Variants in PTP4A3 observed in about 807,000 individuals in gnomAD.
PTP4A3 encodes the protein protein tyrosine phosphatase 4A3.
A neutral mutation model predicts 15.2 loss-of-function variants in PTP4A3; 9 were observed. The ratio of observed to expected loss-of-function variants is 0.59; its 90% CI spans 0.36 to 1.03. The LOEUF is 1.03. PTP4A3 is among the 50% of genes least tolerant of loss of function. PTP4A3 has a pLI of 0.02. For missense variants in PTP4A3, 234 were observed against 252.1 expected, an observed-to-expected ratio of 0.93 and a Z score of 0.49; for synonymous variants, 95 against 102.0, an observed-to-expected ratio of 0.93 and a Z score of 0.41.
Position 141,431,084 on chromosome 8 carries a change from G to A in PTP4A3, c.*40G>A. ...TGGGCCTGGTCGTCATGTAGGTCAG[G>A]ACCTTGGCTGGACCTGGAGGCCCTG... On this transcript the variant is annotated 3_prime_UTR_variant, in exon 6 of 6. Coordinates refer to ENST00000521578, the MANE Select transcript of PTP4A3 (RefSeq NM_032611.3). 1 of 1,597,830 alleles carries A rather than the reference G, an allele frequency of 6.3e-7. No homozygotes were observed. Among genetic ancestry groups the A allele is most frequent in the Non-Finnish European group, 8.6e-7 (1 of 1,166,496 alleles).
At chr8:141,428,750 AG>A (rs371543098) in intron 5 of PTP4A3, among the ~76,000 whole-genome samples, 76 of 152,352 alleles carry the variant, frequency 5.0e-4, no homozygotes, top group African/African-American at 1.8e-3. Context: ...GGGGTCATAC[AG>A]GCACACATTC....
chr8:141,427,719 C>G, intron 4 of PTP4A3, 31 bp from the exon 5 acceptor site: 1 of 1,541,484 alleles, frequency 6.5e-7, no homozygotes, highest in Non-Finnish European at 8.8e-7. Context: ...GCGCAGGCTC[C>G]GATGACCCCC....
chr8:141,395,536 G>C (rs1319326118), intron 1 of PTP4A3, among the ~76,000 whole-genome samples: 2 of 150,174 alleles, frequency 1.3e-5, no homozygotes, highest in African/African-American at 4.9e-5. Flanking sequence ...GGGGAACTGG[G>C]GGCCATTGCC....
At position 141,406,749 on chromosome 8, in the gene PTP4A3, C is replaced by T. The variant is rs1832736350; in HGVS notation, c.-853-14639C>T. 6.6e-6 allele frequency among the ~76,000 whole-genome samples: 1 copy of T among 152,178 alleles called. No individual in the cohort carries two copies. Among genetic ancestry groups the T allele is most frequent in the African/African-American group, 2.4e-5 (1 of 41,448 alleles). ...CCACCGACAGCCCGCCTCTTCTTTCCATCTTAATCCATCTTGCCAGCTCTC... is the reference window on the plus strand; with the variant it reads ...CCACCGACAGCCCGCCTCTTCTTTCTATCTTAATCCATCTTGCCAGCTCTC... On this transcript the variant is annotated intron_variant, in intron 1 of 5. Coordinates refer to ENST00000521578, the MANE Select transcript of PTP4A3 (RefSeq NM_032611.3). The surrounding 1 kb of genome is among the most constrained non-coding windows in gnomAD (Gnocchi z 4.5).
chr8:141,406,235 C>T lies in PTP4A3; in HGVS notation c.-854+14151C>T, dbSNP rs572425844. 5.9e-5 allele frequency among the ~76,000 whole-genome samples: 9 copies of T among 152,206 alleles called. No individual in the cohort carries two copies. The highest frequency in any genetic ancestry group is 1.9e-4 in the East Asian group (1 of 5,160). On this transcript the variant is annotated intron_variant, in intron 1 of 5. Coordinates refer to ENST00000521578, the MANE Select transcript of PTP4A3 (RefSeq NM_032611.3). The surrounding 1 kb of genome is among the most constrained non-coding windows in gnomAD (Gnocchi z 4.5). ...GCTCAGGTGTCACCATTTCACTTGT[C>T]GGCCACCCACGGCTGCTTCCTGCCC...
intron 1 of PTP4A3, among the ~76,000 whole-genome samples, chr8:141,418,679 G>A (rs781072410): frequency 1.3e-5 from 2 of 152,130 alleles, no homozygotes; most frequent in Non-Finnish European, 2.9e-5. Context: ...GCTGCCAGTG[G>A]GTCCCCGTGC....
At chr8:141,394,848 G>A (rs1011008748) in intron 1 of PTP4A3, among the ~76,000 whole-genome samples, 1 of 152,252 alleles carries the variant, frequency 6.6e-6, no homozygotes, top group African/African-American at 2.4e-5. Context: ...AGGAGGTACT[G>A]CACTTCGCAC....
In PTP4A3 at chr8:141,422,157, T is replaced by TG; in HGVS notation, c.-79dup. 6.2e-6 allele frequency: 8 copies of TG among 1,290,712 alleles called. No individual in the cohort carries two copies. The South Asian group carries it at 9.9e-5, about 16-fold the overall frequency. The allele number at this position is 1,290,712 out of a possible 1,614,324, so 80.0% of individuals were successfully genotyped here. ...CAGGGATCTCGTTCTCCTCATTTTT[T>TG]GGGGGTGTGTGGGGACTTCTCAGGT... On this transcript the variant is annotated 5_prime_UTR_variant, in exon 2 of 6. Coordinates refer to ENST00000521578, the MANE Select transcript of PTP4A3 (RefSeq NM_032611.3).
intron 5 of PTP4A3, 35 bp from the exon 6 acceptor site, chr8:141,430,892 T>A: frequency 6.2e-7 from 1 of 1,606,610 alleles, no homozygotes; most frequent in East Asian, 2.2e-5. Context: ...AGCCAGGTCC[T>A]TGGATGATCT....
intron 1 of PTP4A3, among the ~76,000 whole-genome samples, chr8:141,395,602 CCGTT>C (rs1832427161): frequency 6.8e-6 from 1 of 146,818 alleles, no homozygotes; most frequent in Non-Finnish European, 1.5e-5. Context: ...CCTGCAGCCC[CCGTT>C]CATCTACCCA....
rs559858738 is a variant in PTP4A3 at position 141,411,465 on chromosome 8, G to A, written c.-853-9923G>A. ...CCCTATCCCCCTGGGCCTCAGTGGC[G>A]CCGTGTGCACTGGCTCTGGGGGTGC... On this transcript the variant is annotated intron_variant, in intron 1 of 5. Transcript: ENST00000521578. Among the ~76,000 whole-genome samples, 18 of 152,314 alleles carry A rather than the reference G, an allele frequency of 1.2e-4. 1 individual carries two copies. In the South Asian group the frequency reaches 1.4e-3, roughly 12 times the overall value.
intron 1 of PTP4A3, among the ~76,000 whole-genome samples, chr8:141,392,942 T>C (rs553594836): frequency 1.3e-4 from 17 of 135,220 alleles, no homozygotes; most frequent in African/African-American, 4.3e-4. Flanking sequence ...CTGCACCCCC[T>C]CTCTCTGCCT....
At chr8:141,409,148 C>T (rs556784108) in intron 1 of PTP4A3, among the ~76,000 whole-genome samples, 1 of 152,296 alleles carries the variant, frequency 6.6e-6, no homozygotes, top group East Asian at 1.9e-4. Context: ...AAGGTGCTGA[C>T]CCACCGCTGC....
intron 2 of PTP4A3, among the ~76,000 whole-genome samples, chr8:141,423,897 G>T (rs1446528939): frequency 6.6e-6 from 1 of 151,792 alleles, no homozygotes; most frequent in East Asian, 1.9e-4. Flanking sequence ...CAGGATTAGG[G>T]CTCAATGTGT....
chr8:141,424,133 G>T (rs1833455778), intron 2 of PTP4A3, among the ~76,000 whole-genome samples: 1 of 152,110 alleles, frequency 6.6e-6, no homozygotes, highest in South Asian at 2.1e-4. Context: ...CCAGCACCCT[G>T]CCTGCTCCCT....
chr8:141,420,405 C>T (rs1294424644), intron 1 of PTP4A3, among the ~76,000 whole-genome samples: 1 of 152,198 alleles, frequency 6.6e-6, no homozygotes, highest in Non-Finnish European at 1.5e-5. Flanking sequence ...CAAGGCCTCC[C>T]AGCCCTTCCG....
At chr8:141,402,307 C>T (rs775678230) in intron 1 of PTP4A3, among the ~76,000 whole-genome samples, 21 of 152,302 alleles carry the variant, frequency 1.4e-4, no homozygotes, top group Middle Eastern at 3.4e-3. Context: ...AGCCCTCTGG[C>T]GCCCTGCTCA....
Position 141,406,811 on chromosome 8 carries a change from A to G in PTP4A3, c.-853-14577A>G, listed in dbSNP as rs1832738830. On this transcript the variant is annotated intron_variant, in intron 1 of 5. Coordinates refer to ENST00000521578, the MANE Select transcript of PTP4A3 (RefSeq NM_032611.3). This position sits in a 1 kb window ranked among gnomAD's most constrained non-coding sequence, Gnocchi z 4.5. The stretch of plus-strand genomic sequence containing the variant: ...GCACTTCGCCCTGAATCCTCCTCTG[A>G]GCCGGCTTTGCCTCCTGCTGTTCCC... Among the ~76,000 whole-genome samples, 1 of 152,138 alleles carries G rather than the reference A, an allele frequency of 6.6e-6. No homozygotes were observed. The highest frequency in any genetic ancestry group is 2.4e-5 in the African/African-American group (1 of 41,428).
At chr8:141,416,861 G>T (rs913931407) in intron 1 of PTP4A3, among the ~76,000 whole-genome samples, 5 of 152,074 alleles carry the variant, frequency 3.3e-5, no homozygotes, top group Admixed American at 2.6e-4. Flanking sequence ...GCAGGGGGAG[G>T]GGGGGTCGTG....
Sources: allele counts gnomAD v4.1 joint callset (sites outside exome capture counted in the v4.1 genomes callset), GRCh38; gene constraint gnomAD v4.1.1; non-coding constraint Gnocchi (gnomAD v3.1); transcripts MANE v1.5; gene names NCBI Gene and HGNC (gene_info 2026-07-23, HGNC 2026-07-21).